The following GARNL3 variants were observed in gnomAD, a reference collection of about 807,000 sequenced individuals.
GARNL3 encodes the protein GTPase-activating Rap/Ran-GAP domain-like protein 3.
A neutral mutation model predicts 125.0 loss-of-function variants in GARNL3; 63 were observed. The ratio of observed to expected loss-of-function variants is 0.50; its 90% confidence interval spans 0.41 to 0.62. GARNL3 has a LOEUF of 0.62. Among genes scored for constraint, GARNL3 ranks in the 20% least tolerant of loss-of-function variants. GARNL3 has a pLI of 0.00. For synonymous variants in GARNL3, 439 were observed against 457.5 expected, an observed-to-expected ratio of 0.96 and a Z score of 0.52; for missense variants, 994 against 1,244.0, an observed-to-expected ratio of 0.80 and a Z score of 3.02.
At chr9:127,227,018 C>G (rs1165245784) in intron 1 of GARNL3, among the ~76,000 whole-genome samples, 1 of 152,222 alleles carries the variant, frequency 6.6e-6, no homozygotes, top group Non-Finnish European at 1.5e-5. Context: ...GGCCATGCAG[C>G]ACTTGTAATG....
chr9:127,320,356 T>A lies in GARNL3; in HGVS notation c.504-359T>A, dbSNP rs912622484. 9.8e-5 allele frequency among the ~76,000 whole-genome samples: 15 copies of A among 152,356 alleles called. No individual in the cohort carries two copies. In the South Asian group the frequency reaches 1.0e-3, roughly 11 times the overall value. ...ACGTTGCTTGTCCAAAGTAAAACAT[T>A]TTAAAAAGTCTTGTTAAGGATGGTC... is the stretch of plus-strand genomic sequence containing the variant. On this transcript the variant is annotated intron_variant, in intron 5 of 27. Transcript: ENST00000373387.
At chr9:127,289,654 T>G (rs1389711482) in intron 1 of GARNL3, among the ~76,000 whole-genome samples, 2 of 152,218 alleles carry the variant, frequency 1.3e-5, no homozygotes, top group African/African-American at 4.8e-5. Context: ...TGATACTGTG[T>G]GACCCAAAGC....
chr9:127,308,109 C>A (rs999141471), intron 2 of GARNL3, among the ~76,000 whole-genome samples: 8 of 152,142 alleles, frequency 5.3e-5, no homozygotes, highest in African/African-American at 7.2e-5. Context: ...CTACAAGGAA[C>A]AAAATCCAAT....
rs1829723931 is a variant in GARNL3, at chr9:127,339,207, G to C, written c.1029-438G>C. On this transcript the variant is annotated intron_variant, in intron 12 of 27. Coordinates refer to ENST00000373387, the MANE Select transcript of GARNL3 (RefSeq NM_032293.5). ...AGCTACTTGGGAGGCTGAGGCAGGA[G>C]AATGGTGTGAACCCGGGAGGCGGAG... Among the ~76,000 whole-genome samples the C allele has an allele frequency of 4.0e-5, 6 of 151,702 alleles. No individual in the cohort carries two copies. The South Asian group carries it at 1.0e-3, about 26-fold the overall frequency.
chr9:127,317,447 G>A (rs531987622), intron 4 of GARNL3, among the ~76,000 whole-genome samples: 3 of 152,218 alleles, frequency 2.0e-5, no homozygotes, highest in South Asian at 2.1e-4. Flanking sequence ...ATTCCCAGCC[G>A]GGCGTGGTGG....
rs1234291828 is a variant in GARNL3, at chr9:127,242,406, C to T, written c.-28-673C>T. On this transcript the variant is annotated intron_variant, in intron 1 of 10. Transcript: ENST00000439286. The surrounding 1 kb of genome is among the most constrained non-coding windows in gnomAD (Gnocchi z 4.6). ...CAGAAGGAGTGTGATGCCTGCATTTCCTAACAAAGTAGACCCATCATCCCA... is the reference window on the plus strand; with the variant it reads ...CAGAAGGAGTGTGATGCCTGCATTTTCTAACAAAGTAGACCCATCATCCCA... Among the ~76,000 whole-genome samples the T allele has an allele frequency of 1.3e-5, 2 of 152,150 alleles. No homozygotes were observed. Among genetic ancestry groups the T allele is most frequent in the African/African-American group, 4.8e-5 (2 of 41,444 alleles).
chr9:127,315,348 C>T (rs919345257), intron 4 of GARNL3, among the ~76,000 whole-genome samples: 2 of 152,158 alleles, frequency 1.3e-5, no homozygotes, highest in Non-Finnish European at 2.9e-5. Flanking sequence ...AGTTAGAAAA[C>T]TAGCTAGGCC....
intron 2 of GARNL3, among the ~76,000 whole-genome samples, chr9:127,251,686 A>G (rs2063406569): frequency 6.6e-6 from 1 of 152,144 alleles, no homozygotes; most frequent in Non-Finnish European, 1.5e-5. Context: ...CACAGCATTT[A>G]TTTTTATGTT....
chr9:127,382,312 T>A lies in GARNL3; in HGVS notation c.2162-1126T>A, dbSNP rs1055693130. On this transcript the variant is annotated intron_variant, in intron 22 of 27. Coordinates refer to ENST00000373387, the MANE Select transcript of GARNL3 (RefSeq NM_032293.5). Reference sequence around the variant, plus strand: ...AAGACTCCGTCTCAAAAATTAAAAATAATAATAATAATAACTCCATCTTTC... The same window carrying A: ...AAGACTCCGTCTCAAAAATTAAAAAAAATAATAATAATAACTCCATCTTTC... 4.2e-4 allele frequency among the ~76,000 whole-genome samples: 63 copies of A among 151,804 alleles called. 1 individual carries two copies. Among genetic ancestry groups the A allele is most frequent in the African/African-American group, 1.2e-3 (51 of 41,314 alleles).
chr9:127,306,585 G>A (rs991287991), intron 2 of GARNL3, among the ~76,000 whole-genome samples: 1 of 152,146 alleles, frequency 6.6e-6, no homozygotes, highest in African/African-American at 2.4e-5. Flanking sequence ...AAATTAGCCG[G>A]GCGTGGTGGC....
chr9:127,270,182 G>A (rs1464296845), intron 1 of GARNL3, among the ~76,000 whole-genome samples: 1 of 152,132 alleles, frequency 6.6e-6, no homozygotes, highest in Non-Finnish European at 1.5e-5. Context: ...TGAAAAGACT[G>A]TCCTTTCCCT....
intron 17 of GARNL3, 45 bp from the exon 18 acceptor site, chr9:127,353,801 C>T (rs774565703): frequency 1.2e-5 from 15 of 1,302,618 alleles, no homozygotes; most frequent in Non-Finnish European, 1.6e-5. Context: ...TTCTGGAAAG[C>T]GTGGGCTGGG....
chr9:127,353,059 G>A (rs1009412380), intron 17 of GARNL3, among the ~76,000 whole-genome samples: 2 of 151,998 alleles, frequency 1.3e-5, no homozygotes, highest in African/African-American at 2.4e-5. Flanking sequence ...CTGTGTCCTC[G>A]GAGCCCTCAG....
intron 26 of GARNL3, among the ~76,000 whole-genome samples, chr9:127,389,504 A>C (rs1251892407): frequency 6.6e-6 from 1 of 152,202 alleles, no homozygotes; most frequent in Non-Finnish European, 1.5e-5. Flanking sequence ...GGTATGTCCC[A>C]AAGTGGAAAT....
rs562872199 is a variant in GARNL3, at chr9:127,266,170, A to C, written c.144+1149A>C. Among the ~76,000 whole-genome samples, 3 of 152,114 alleles carry C rather than the reference A, an allele frequency of 2.0e-5. No homozygotes were observed. The highest frequency in any genetic ancestry group is 4.4e-5 in the Non-Finnish European group (3 of 67,984). On this transcript the variant is annotated intron_variant, in intron 1 of 27. Transcript: ENST00000373387. This position sits in a 1 kb window ranked among gnomAD's most constrained non-coding sequence, Gnocchi z 4.0. ...CCCCTGAAGGAGCAGGTGCATAGCT[A>C]TAAGTCAGAGTAGGAATTGGTACTG...
intron 17 of GARNL3, among the ~76,000 whole-genome samples, chr9:127,353,237 T>C (rs1830504718): frequency 1.3e-5 from 2 of 152,210 alleles, no homozygotes; most frequent in South Asian, 4.1e-4. Context: ...TATTTCTCTT[T>C]ATTTATGTTT....
At chr9:127,386,541 C>T (rs1832551288) in intron 24 of GARNL3, among the ~76,000 whole-genome samples, 2 of 152,224 alleles carry the variant, frequency 1.3e-5, no homozygotes, top group African/African-American at 4.8e-5. Flanking sequence ...CCCACACAGA[C>T]ACTGTTGGTG....
intron 6 of GARNL3, among the ~76,000 whole-genome samples, chr9:127,321,756 A>G (rs2065411099): frequency 6.6e-6 from 1 of 152,188 alleles, no homozygotes; most frequent in Non-Finnish European, 1.5e-5. Flanking sequence ...TACGCCAGGG[A>G]TGGGTGACAA....
At chr9:127,332,048 G>A (rs899503581) in intron 7 of GARNL3, among the ~76,000 whole-genome samples, 15 of 151,944 alleles carry the variant, frequency 9.9e-5, no homozygotes, top group South Asian at 4.2e-4. Context: ...ACAAATGAAC[G>A]AATTCATAAA....
Sources: gnomAD v4.1 joint callset for allele counts (sites outside exome capture counted in the v4.1 genomes callset) on GRCh38, gnomAD v4.1.1 for gene constraint, Gnocchi (gnomAD v3.1) non-coding constraint, MANE v1.5 for transcripts, NCBI Gene and HGNC (gene_info 2026-07-23, HGNC 2026-07-21) for gene names.